The following HPSE2 variants were observed in gnomAD, a reference collection of about 807,000 sequenced individuals.
HPSE2 encodes heparanase 2 (inactive).
Under a neutral mutation model 60.5 loss-of-function variants are expected in HPSE2, and 38 were observed. The ratio of observed to expected loss-of-function variants is 0.63; its 90% CI spans 0.48 to 0.82. HPSE2 has a LOEUF of 0.82. Among genes scored for constraint, HPSE2 ranks in the 40% least tolerant of loss-of-function variants. HPSE2 has a pLI of 0.00. For synonymous variants in HPSE2, 295 were observed against 293.2 expected (o/e 1.01, Z -0.06); for missense variants, 713 against 740.4 (o/e 0.96, Z 0.43).
chr10:99,048,349 G>T, intron 3 of HPSE2: 2 of 302,186 alleles, frequency 6.6e-6, no homozygotes, highest in Non-Finnish European at 6.3e-6. Context: ...TTAATAAATA[G>T]TACCTGCTCT....
At chr10:99,084,465 G>A (rs1427984555) in intron 3 of HPSE2, among the ~76,000 whole-genome samples, 1 of 152,134 alleles carries the variant, frequency 6.6e-6, no homozygotes. Flanking sequence ...GTTCCTAAAA[G>A]AGGAAAGATC....
At chr10:98,695,563 G>T (rs972293691) in intron 5 of HPSE2, among the ~76,000 whole-genome samples, 3 of 152,288 alleles carry the variant, frequency 2.0e-5, no homozygotes, top group African/African-American at 7.2e-5. Flanking sequence ...GGTGGATATT[G>T]TCAGTTCCAT....
chr10:98,731,630 T>C (rs978803292), intron 4 of HPSE2, among the ~76,000 whole-genome samples: 1 of 152,200 alleles, frequency 6.6e-6, no homozygotes, highest in Non-Finnish European at 1.5e-5. Context: ...TTTCTCAACT[T>C]GATAAAGCGT....
At chr10:99,088,016 C>G (rs1157744182) in intron 3 of HPSE2, among the ~76,000 whole-genome samples, 1 of 151,308 alleles carries the variant, frequency 6.6e-6, no homozygotes, top group Non-Finnish European at 1.5e-5. Context: ...CCTTGTTCAT[C>G]CCTCTCCAGC....
intron 3 of HPSE2, among the ~76,000 whole-genome samples, chr10:98,926,769 T>A (rs1240182639): frequency 1.3e-5 from 2 of 152,216 alleles, no homozygotes; most frequent in Admixed American, 6.5e-5. Flanking sequence ...TCTTGTCCCT[T>A]ACTTATCCTT....
At chr10:99,300,441 G>A in the HPSE2 span, among the ~76,000 whole-genome samples, 2 of 152,128 alleles carry the variant, frequency 1.3e-5, no homozygotes, top group African/African-American at 4.8e-5. Context: ...ATTTCTTAGG[G>A]CCACTGTCTT....
chr10:98,801,893 G>C (rs1469315601), intron 3 of HPSE2, among the ~76,000 whole-genome samples: 1 of 151,924 alleles, frequency 6.6e-6, no homozygotes, highest in African/African-American at 2.4e-5. Flanking sequence ...AACCTACCCT[G>C]GGCAAAAAGA....
chr10:98,830,508 C>T (rs748853991), intron 3 of HPSE2, among the ~76,000 whole-genome samples: 17 of 152,092 alleles, frequency 1.1e-4, no homozygotes, highest in Non-Finnish European at 1.6e-4. Context: ...AATAACAGAA[C>T]ACTGGGCCTC....
chr10:98,847,035 A>G (rs1952051203), intron 3 of HPSE2, among the ~76,000 whole-genome samples: 1 of 152,218 alleles, frequency 6.6e-6, no homozygotes, highest in Admixed American at 6.5e-5. Context: ...AAGAGTACTG[A>G]TGGGTGAAGT....
intron 3 of HPSE2, among the ~76,000 whole-genome samples, chr10:98,928,660 T>G (rs1167944313): frequency 1.5e-5 from 2 of 133,380 alleles, no homozygotes; most frequent in Non-Finnish European, 3.1e-5. Context: ...TATGCAGCCA[T>G]AAAAATGATG....
At chr10:99,041,310 A>C (rs1361436932) in intron 3 of HPSE2, among the ~76,000 whole-genome samples, 1 of 152,134 alleles carries the variant, frequency 6.6e-6, no homozygotes, top group Non-Finnish European at 1.5e-5. Context: ...GCAACCCACA[A>C]GGAGCAGAGA....
At chr10:98,507,783 C>T (rs1382870301) in intron 9 of HPSE2, among the ~76,000 whole-genome samples, 2 of 152,158 alleles carry the variant, frequency 1.3e-5, no homozygotes, top group Non-Finnish European at 2.9e-5. Context: ...TCCTTCCCTT[C>T]TTCCCTCCCC....
At chr10:98,671,679 A>C (rs1237416999) in intron 6 of HPSE2, among the ~76,000 whole-genome samples, 1 of 152,180 alleles carries the variant, frequency 6.6e-6, no homozygotes, top group Non-Finnish European at 1.5e-5. Flanking sequence ...AGGGTGATAA[A>C]GGGAAGGGAA....
At chr10:99,288,343 G>A in the HPSE2 span, among the ~76,000 whole-genome samples, 1 of 152,032 alleles carries the variant, frequency 6.6e-6, no homozygotes, top group Non-Finnish European at 1.5e-5. Context: ...ATTTTATGTT[G>A]TATATATTTA....
At chr10:99,214,397 T>C (rs1849049886) in intron 2 of HPSE2, among the ~76,000 whole-genome samples, 1 of 152,170 alleles carries the variant, frequency 6.6e-6, no homozygotes, top group Non-Finnish European at 1.5e-5. Flanking sequence ...ATACAAAAAC[T>C]TGTATACAAA....
intron 6 of HPSE2, among the ~76,000 whole-genome samples, chr10:98,665,645 GA>G (rs1181014410): frequency 6.6e-6 from 1 of 152,116 alleles, no homozygotes; most frequent in Non-Finnish European, 1.5e-5. Flanking sequence ...CATCCTCAAA[GA>G]AAAGAAATTC....
At chr10:98,689,482 A>AAT (rs1189054707) in intron 6 of HPSE2, among the ~76,000 whole-genome samples, 1 of 152,176 alleles carries the variant, frequency 6.6e-6, no homozygotes, top group Non-Finnish European at 1.5e-5. Flanking sequence ...TCTCCAGGCT[A>AAT]ATATTTCTCA....
chr10:99,276,064 A>T, the HPSE2 span, among the ~76,000 whole-genome samples: 7 of 152,228 alleles, frequency 4.6e-5, no homozygotes, highest in East Asian at 1.3e-3. Flanking sequence ...ATATACCCAA[A>T]ACATTAGGAT....
chr10:99,214,467 T>C (rs1247311631), intron 2 of HPSE2, among the ~76,000 whole-genome samples: 1 of 152,188 alleles, frequency 6.6e-6, no homozygotes, highest in Non-Finnish European at 1.5e-5. Flanking sequence ...AATGGTTAAA[T>C]GAAATGTGGT....
Sources: gnomAD v4.1 joint callset for allele counts (sites outside exome capture counted in the v4.1 genomes callset) on GRCh38, gnomAD v4.1.1 for gene constraint, MANE v1.5 for transcripts, NCBI Gene and HGNC (gene_info 2026-07-23, HGNC 2026-07-21) for gene names.